Variants in KCNQ2 observed in about 807,000 individuals in gnomAD.
KCNQ2 encodes the protein potassium voltage-gated channel subfamily KQT member 2.
In KCNQ2, 14 loss-of-function variants were observed where a neutral mutation model predicts 84.8. The ratio of observed to expected loss-of-function variants is 0.17; its 90% CI spans 0.11 to 0.26. KCNQ2 has a LOEUF of 0.26. Among genes scored for constraint, KCNQ2 ranks in the 10% least tolerant of loss-of-function variants. The probability of loss-of-function intolerance (pLI) is 1.00; values close to 1 mark genes in which losing one functional copy is unlikely to be tolerated. For synonymous variants in KCNQ2, 599 were observed against 554.1 expected (o/e 1.08, Z -1.14); for missense variants, 788 against 1,254.0 (o/e 0.63, Z 5.61).
At position 63,472,248 on chromosome 20, in the gene KCNQ2, G is replaced by C. The variant is rs1294124002; in HGVS notation, c.216C>G (p.Ala72=). 33 of 1,539,964 alleles carry C rather than the reference G, an allele frequency of 2.1e-5. No homozygotes were observed. The highest frequency in any genetic ancestry group is 2.8e-5 in the Non-Finnish European group (32 of 1,143,352). The part of the protein sequence containing the change: ...AGAGKPPKRN[A]FYRKLQNFLY... ...GGAAATTCTGCAGCTTGCGGTAGAA[G>C]GCGTTGCGCTTGGGGGGCTTCCCGG... The change falls in exon 1 of 17, where the codon GCC becomes GCG. Residue 72 remains alanine (A), a synonymous_variant. Transcript: ENST00000359125.
At chr20:63,461,175 G>A (rs375069499) in intron 1 of KCNQ2, 2 of 152,192 alleles carry the variant, frequency 1.3e-5, no homozygotes, top group Non-Finnish European at 2.9e-5. Flanking sequence ...TAAGAAACGA[G>A]GGCGGCAGGG....
Position 63,445,325 on chromosome 20 carries a change from C to T in KCNQ2, c.427G>A (p.Val143Met), listed in dbSNP as rs768237205. 5.6e-6 allele frequency: 9 copies of T among 1,613,740 alleles called. No homozygotes were observed. Among genetic ancestry groups the T allele is most frequent in the Admixed American group, 3.3e-5 (2 of 60,000 alleles). ...TIVVFGVEYF[V>M]RIWAAGCCCR... ...CAGCAGCCTGCGGCCCAGATCCGCA[C>T]GAAGTACTCCACGCCAAACACCACG... The change falls in exon 3 of 17, where the codon GTG (valine) becomes ATG (methionine). Residue 143 changes from valine to methionine, a missense_variant. Physicochemically the swap from Val to Met is conservative, Grantham distance 21. Transcript: ENST00000359125.
intron 1 of KCNQ2, among the ~76,000 whole-genome samples, chr20:63,469,287 C>T (rs1016887218): frequency 1.9e-4 from 29 of 152,362 alleles, no homozygotes; most frequent in African/African-American, 6.0e-4. Context: ...CCCAGCACCC[C>T]GCCCCGACCA....
chr20:63,418,288 T>G (rs970935382), intron 12 of KCNQ2, among the ~76,000 whole-genome samples: 1 of 152,190 alleles, frequency 6.6e-6, no homozygotes, highest in Non-Finnish European at 1.5e-5. Flanking sequence ...CACCTACGCT[T>G]GGGGCTTACG....
Position 63,414,240 on chromosome 20 carries a change from C to T in KCNQ2, c.1526-47G>A. The T allele has an allele frequency of 7.1e-7, 1 of 1,414,414 alleles. No homozygotes were observed. Among genetic ancestry groups the T allele is most frequent in the Non-Finnish European group, 1.0e-6 (1 of 1,000,764 alleles). The allele number at this position is 1,414,414 out of a possible 1,614,324, so 87.6% of individuals were successfully genotyped here. ...GTGAGGGGCCGAGGGGGCCGGGAGACCTATTCCCGGGGTCCTGCAGGGCAC... is the reference window on the plus strand; with the variant it reads ...GTGAGGGGCCGAGGGGGCCGGGAGATCTATTCCCGGGGTCCTGCAGGGCAC... On this transcript the variant is annotated intron_variant, in intron 13 of 16. Transcript: ENST00000359125. This position sits in a 1 kb window ranked among gnomAD's most constrained non-coding sequence, Gnocchi z 6.6.
In KCNQ2 at chr20:63,446,725, C is replaced by T; in HGVS notation, c.387+22G>A. ...AGCTCCTTCCTGGGCACTTCCAGCC[C>T]CCGCCCTCCCTCGGGGCTCACCAGG... On this transcript the variant is annotated intron_variant, in intron 2 of 16. Transcript: ENST00000359125. The surrounding 1 kb of genome is among the most constrained non-coding windows in gnomAD (Gnocchi z 5.5). 1 of 1,603,142 alleles carries T rather than the reference C, an allele frequency of 6.2e-7. No homozygotes were observed. Among genetic ancestry groups the T allele is most frequent in the Non-Finnish European group, 8.5e-7 (1 of 1,170,630 alleles).
chr20:63,431,742 AC>A (rs1434213176), intron 8 of KCNQ2, among the ~76,000 whole-genome samples: 1 of 152,184 alleles, frequency 6.6e-6, no homozygotes, highest in Non-Finnish European at 1.5e-5. Context: ...GCAGGTAGCA[AC>A]TGAGGACTGC....
At chr20:63,433,994 G>C in intron 7 of KCNQ2, 91 bp from the exon 8 acceptor site, 4 of 1,132,262 alleles carry the variant, frequency 3.5e-6, no homozygotes, top group Non-Finnish European at 5.2e-6. Context: ...GGGCAGAGGG[G>C]ACCCCCATGC....
intron 8 of KCNQ2, chr20:63,433,485 C>T: frequency 1.8e-6 from 1 of 549,648 alleles, no homozygotes. Context: ...GAGCAGCTGT[C>T]GGTCCAGAGC....
rs1389652330 is a variant in KCNQ2 at position 63,414,386 on chromosome 20, G to A, written c.1526-193C>T. 1.3e-5 allele frequency among the ~76,000 whole-genome samples: 2 copies of A among 152,170 alleles called. No homozygotes were observed. The highest frequency in any genetic ancestry group is 2.9e-5 in the Non-Finnish European group (2 of 68,032). ...CTGCTCTCGAGTCAGGACCTTCCCC[G>A]GCAGGCTGTGGCCACAGGGAGTGGC... is the stretch of plus-strand genomic sequence containing the variant. On this transcript the variant is annotated intron_variant, in intron 13 of 16. Transcript: ENST00000359125. This position sits in a 1 kb window ranked among gnomAD's most constrained non-coding sequence, Gnocchi z 6.6.
Position 63,401,884 on chromosome 20 carries a change from G to A in KCNQ2, c.*4760C>T, listed in dbSNP as rs1194115409. ...GCCTTGTGAACCGTCCCTCTCACAC[G>A]TCTGCCGGGCACCCTCCACCAGGTC... On this transcript the variant is annotated 3_prime_UTR_variant, in exon 17 of 17. Transcript: ENST00000359125. The A allele has an allele frequency of 6.4e-5, 7 of 108,638 alleles. No homozygotes were observed. The highest frequency in any genetic ancestry group is 1.1e-4 in the Admixed American group (1 of 9,194). 6.7% of individuals were successfully genotyped at this position (108,638 alleles called of 1,614,324 possible). A position where few individuals can be genotyped will look rare whatever the true frequency, so the allele number is the denominator to read the frequency against.
At chr20:63,434,210 T>C in intron 7 of KCNQ2, 1 of 414,846 alleles carries the variant, frequency 2.4e-6, no homozygotes, top group East Asian at 4.1e-5. Flanking sequence ...TCATGACTCT[T>C]ACCTGGCCCC....
In KCNQ2 at chr20:63,406,877, C is replaced by T. The variant is rs2079954091; in HGVS notation, c.2386G>A (p.Glu796Lys). The T allele has an allele frequency of 4.3e-6, 7 of 1,611,944 alleles. No individual in the cohort carries two copies. The highest frequency in any genetic ancestry group is 2.2e-5 in the East Asian group (1 of 44,868). Reference sequence around the variant, plus strand: ...CCGCTGAAGGAACGCTCCAGCTCCTCGTGGTCCACGGACGGGATGGAGATG... The same window carrying T: ...CCGCTGAAGGAACGCTCCAGCTCCTTGTGGTCCACGGACGGGATGGAGATG... ...TSISIPSVDH[E>K]ELERSFSGFS... The change falls in exon 17 of 17, where the codon GAG (glutamate) becomes AAG (lysine). Residue 796 changes from glutamate to lysine, a missense_variant. Glu to Lys is a moderately conservative substitution (Grantham distance 56, BLOSUM62 1). Transcript: ENST00000359125.
In KCNQ2 at chr20:63,468,315, A is replaced by G. The variant is rs530660179; in HGVS notation, c.296+3853T>C. Among the ~76,000 whole-genome samples the G allele has an allele frequency of 3.3e-5, 5 of 152,330 alleles. No individual in the cohort carries two copies. The East Asian group carries it at 5.8e-4, about 18-fold the overall frequency. ...TCTCGGCACACAATGCTCCGTCAGC[A>G]GAGACTGGACCCTGGTCCTGCCAGG... On this transcript the variant is annotated intron_variant, in intron 1 of 16. Coordinates refer to ENST00000359125, the MANE Select transcript of KCNQ2 (RefSeq NM_172107.4).
rs545046132 is a variant in KCNQ2, at chr20:63,400,356, G to A, written c.*6288C>T. ...AAGTCCCCCGCAAACCCGCACTGGC[G>A]CATTCTTACGGCTCTGGCATCAACC... On this transcript the variant is annotated 3_prime_UTR_variant, in exon 17 of 17. Transcript: ENST00000359125. This position sits in a 1 kb window ranked among gnomAD's most constrained non-coding sequence, Gnocchi z 8.7. 1 of 353,394 alleles carries A rather than the reference G, an allele frequency of 2.8e-6. No homozygotes were observed. 21.9% of individuals were successfully genotyped at this position (353,394 alleles called of 1,614,324 possible).
rs2080745057 is a variant in KCNQ2, at chr20:63,429,962, G to A, written c.1148+1378C>T. Reference sequence around the variant, plus strand: ...GACAGTCCGCTGTCCAAGTCGGGATGGAGCAGGAACCAGGCAGCTGGTGAG... The same window carrying A: ...GACAGTCCGCTGTCCAAGTCGGGATAGAGCAGGAACCAGGCAGCTGGTGAG... On this transcript the variant is annotated intron_variant, in intron 9 of 16. Coordinates refer to ENST00000359125, the MANE Select transcript of KCNQ2 (RefSeq NM_172107.4). Among the ~76,000 whole-genome samples, 4 of 152,354 alleles carry A rather than the reference G, an allele frequency of 2.6e-5. No individual in the cohort carries two copies. In the South Asian group the frequency reaches 6.2e-4, roughly 24 times the overall value.
chr20:63,449,987 C>T (rs2081558408), intron 1 of KCNQ2, among the ~76,000 whole-genome samples: 1 of 152,086 alleles, frequency 6.6e-6, no homozygotes, highest in Admixed American at 6.6e-5. Flanking sequence ...ATCACCAGCA[C>T]CCACACCCAG....
chr20:63,442,932 TCAC>T lies in KCNQ2; in HGVS notation c.691-404_691-402del, dbSNP rs768968500. Among the ~76,000 whole-genome samples, 82 of 10,560 alleles carry T rather than the reference TCAC, an allele frequency of 7.8e-3. 3 individuals are homozygous for T. The South Asian group carries it at 0.16, about 21-fold the overall frequency. The allele number at this position is 10,560 out of a possible 152,430, so 6.9% of individuals were successfully genotyped here. On this transcript the variant is annotated intron_variant, in intron 4 of 16. Transcript: ENST00000359125. ...ACCATCACCATCACCACCATCACCATCACCACCACCATCACCATCATCACCATC... is the reference window on the plus strand; with the variant it reads ...ACCATCACCATCACCACCATCACCATCACCACCATCACCATCATCACCATC...
rs111212482 is a variant in KCNQ2 at position 63,442,773 on chromosome 20, T to C, written c.691-242A>G. 8.8e-4 allele frequency among the ~76,000 whole-genome samples: 24 copies of C among 27,292 alleles called. 1 individual carries two copies. The highest frequency in any genetic ancestry group is 5.2e-3 in the East Asian group (3 of 576). The allele number at this position is 27,292 out of a possible 152,430, so 17.9% of individuals were successfully genotyped here. ...ACCATCACCATCACCACCATCACCA[T>C]CACCACCACCACCATCACCATTACC... On this transcript the variant is annotated intron_variant, in intron 4 of 16. Transcript: ENST00000359125.
Sources: allele counts gnomAD v4.1 joint callset (sites outside exome capture counted in the v4.1 genomes callset), GRCh38; gene constraint gnomAD v4.1.1; non-coding constraint Gnocchi (gnomAD v3.1); transcripts MANE v1.5; gene names NCBI Gene and HGNC (gene_info 2026-07-23, HGNC 2026-07-21).